The following UGT1A5 variants were observed in gnomAD, a reference collection of about 807,000 sequenced individuals.
UGT1A5 encodes UDP-glucuronosyltransferase 1A5.
A neutral mutation model predicts 40.3 loss-of-function variants in UGT1A5; 29 were observed. The observed-to-expected ratio is 0.72, with a 90% CI of 0.54 to 0.98. The LOEUF (loss-of-function observed/expected upper bound fraction) is 0.98, where lower values mean the gene tolerates loss of function less well. Among genes scored for constraint, UGT1A5 ranks in the 50% least tolerant of loss-of-function variants. The probability of loss-of-function intolerance (pLI) is 0.00; values close to 1 mark genes in which losing one functional copy is unlikely to be tolerated. For missense variants in UGT1A5, 678 were observed against 677.9 expected (o/e 1.00, Z 0.00); for synonymous variants, 257 against 262.5 (o/e 0.98, Z 0.20).
At chr2:233,755,500 A>G (rs1249263278) in intron 1 of UGT1A5, 1 of 181,898 alleles carries the variant, frequency 5.5e-6, no homozygotes, top group Non-Finnish European at 1.2e-5. Flanking sequence ...ATGCTCCAAG[A>G]CCAGGCCCCG....
At chr2:233,763,486 T>C (rs771875689) in intron 1 of UGT1A5, among the ~76,000 whole-genome samples, 1 of 152,218 alleles carries the variant, frequency 6.6e-6, no homozygotes, top group Non-Finnish European at 1.5e-5. Flanking sequence ...TGATTGTAAC[T>C]CTCTCAGTTT....
intron 1 of UGT1A5, chr2:233,743,502 T>A: frequency 1.5e-6 from 2 of 1,367,112 alleles, no homozygotes; most frequent in Non-Finnish European, 2.0e-6. Context: ...AGAAAAGGGG[T>A]GCAGACGCTC....
chr2:233,760,880 C>T, intron 1 of UGT1A5: 2 of 1,614,166 alleles, frequency 1.2e-6, no homozygotes, highest in Non-Finnish European at 1.7e-6. Context: ...AGGCCTCTCT[C>T]CTCTCATTCA....
In UGT1A5 at chr2:233,713,167, T is replaced by C. The variant is rs768308601; in HGVS notation, c.176T>C (p.Val59Ala). The change falls in exon 1 of 5, where the codon GTG (valine) becomes GCG (alanine). Residue 59 changes from valine (V) to alanine (A), a missense_variant. By Grantham distance (64) the Val-to-Ala change is moderately conservative. Transcript: ENST00000373414. ...CTCCATGCGAGAGGCCACCAGGTGG[T>C]GGTCCTCACCCTGGAGGTGAATATG... is the stretch of plus-strand genomic sequence containing the variant. ...RDLHARGHQV[V>A]VLTLEVNMYI... is the part of the protein sequence containing the mutation. 46 of 1,614,104 alleles carry C rather than the reference T, an allele frequency of 2.8e-5. No individual in the cohort carries two copies. Among genetic ancestry groups the C allele is most frequent in the Non-Finnish European group, 1.8e-5 (21 of 1,180,046 alleles).
At chr2:233,724,599 T>C (rs1249789503) in intron 1 of UGT1A5, among the ~76,000 whole-genome samples, 2 of 100,788 alleles carry the variant, frequency 2.0e-5, no homozygotes, top group Non-Finnish European at 4.0e-5. Context: ...TCTCAGACGA[T>C]GGGCGGCCGG....
chr2:233,764,974 G>A (rs1027319616), intron 1 of UGT1A5, among the ~76,000 whole-genome samples: 4 of 152,116 alleles, frequency 2.6e-5, no homozygotes, highest in African/African-American at 9.7e-5. Flanking sequence ...GAGAAGGATG[G>A]TCAGTGTCTG....
intron 1 of UGT1A5, among the ~76,000 whole-genome samples, 177 bp from the exon 2 acceptor site, chr2:233,766,857 A>C (rs1004098004): frequency 1.3e-5 from 2 of 152,224 alleles, no homozygotes; most frequent in Non-Finnish European, 2.9e-5. Flanking sequence ...CTTTAGAAGG[A>C]AGTAAAGGAG....
intron 1 of UGT1A5, 118 bp downstream of exon 1, chr2:233,713,976 T>C: frequency 6.3e-7 from 1 of 1,596,898 alleles, no homozygotes; most frequent in Non-Finnish European, 8.5e-7. Flanking sequence ...TTTCTGCTTC[T>C]CATTGTTGTA....
At chr2:233,739,139 T>G (rs539919985) in intron 1 of UGT1A5, 1 of 152,378 alleles carries the variant, frequency 6.6e-6, no homozygotes, top group African/African-American at 2.4e-5. Flanking sequence ...AATTTAGGTT[T>G]GGGAACCTCC....
At chr2:233,719,608 T>C in intron 1 of UGT1A5, 1 of 1,614,074 alleles carries the variant, frequency 6.2e-7, no homozygotes, top group Non-Finnish European at 8.5e-7. Context: ...GACTTTGTGA[T>C]GGACTACCCC....
chr2:233,719,848 T>G (rs1575529888), intron 1 of UGT1A5, among the ~76,000 whole-genome samples: 1 of 152,206 alleles, frequency 6.6e-6, no homozygotes, highest in Non-Finnish European at 1.5e-5. Context: ...TATTTCAAGT[T>G]TTCAGTGGTC....
At chr2:233,718,110 C>T (rs537602029) in intron 1 of UGT1A5, 2 of 309,390 alleles carry the variant, frequency 6.5e-6, no homozygotes, top group Admixed American at 7.6e-5. Context: ...ACAGCAGCAC[C>T]TCTTATTCCA....
intron 1 of UGT1A5, chr2:233,729,134 C>G (rs143371539): frequency 2.7e-5 from 44 of 1,613,172 alleles, no homozygotes; most frequent in Middle Eastern, 1.8e-4. Flanking sequence ...GAGATGGCCA[C>G]AGGACTCCAG....
intron 1 of UGT1A5, among the ~76,000 whole-genome samples, chr2:233,745,661 A>G (rs1429589845): frequency 6.6e-6 from 1 of 151,454 alleles, no homozygotes; most frequent in East Asian, 1.9e-4. Context: ...CAGTGTGAAC[A>G]AAGCAATTTG....
chr2:233,718,332 T>C (rs1444016327), intron 1 of UGT1A5, among the ~76,000 whole-genome samples: 1 of 152,208 alleles, frequency 6.6e-6, no homozygotes, highest in East Asian at 1.9e-4. Flanking sequence ...CTTAGCAATG[T>C]TGTATGTCTT....
At chr2:233,760,461 T>A in intron 1 of UGT1A5, 1 of 1,614,224 alleles carries the variant, frequency 6.2e-7, no homozygotes, top group Non-Finnish European at 8.5e-7. Context: ...ATGAAATAGT[T>A]GTCCTAGCAC....
At chr2:233,755,293 G>C in intron 1 of UGT1A5, 7 of 641,420 alleles carry the variant, frequency 1.1e-5, no homozygotes, top group Non-Finnish European at 1.7e-5. Context: ...AGAGCCTGCG[G>C]GGCACTGGCA....
At chr2:233,726,177 A>G (rs2077512621) in intron 1 of UGT1A5, among the ~76,000 whole-genome samples, 2 of 152,148 alleles carry the variant, frequency 1.3e-5, no homozygotes, top group South Asian at 4.2e-4. Context: ...AAAAAATAAA[A>G]ATTTCTTTGG....
Position 233,713,421 on chromosome 2 carries a change from A to G in UGT1A5, c.430A>G (p.Thr144Ala), listed in dbSNP as rs28946885. 6.9e-5 allele frequency: 112 copies of G among 1,613,970 alleles called. No individual in the cohort carries two copies. The highest frequency in any genetic ancestry group is 9.3e-5 in the African/African-American group (7 of 74,874). Residue 144 changes from threonine to alanine, a missense_variant, in exon 1 of 5, where the codon ACT (threonine) becomes GCT (alanine). Thr to Ala is a moderately conservative substitution (Grantham distance 58, BLOSUM62 0). Coordinates refer to ENST00000373414, the MANE Select transcript of UGT1A5 (RefSeq NM_019078.2). ...GGCCCTGATCAGGCACCTGCATGCT[A>G]CTTCCTTTGATGTGGTTCTAACAGA... is the stretch of plus-strand genomic sequence containing the variant. ...NEALIRHLHA[T>A]SFDVVLTDPF...
Sources: gnomAD v4.1 joint callset for allele counts (sites outside exome capture counted in the v4.1 genomes callset) on GRCh38, gnomAD v4.1.1 for gene constraint, MANE v1.5 for transcripts, NCBI Gene and HGNC (gene_info 2026-07-23, HGNC 2026-07-21) for gene names.